The following ZYG11B variants were observed in gnomAD, a reference collection of about 807,000 sequenced individuals.
ZYG11B encodes the protein zyg-11 family member B, cell cycle regulator, also known as protein zyg-11 homolog B.
A neutral mutation model predicts 82.4 loss-of-function variants in ZYG11B; 36 were observed. That is an observed-to-expected ratio of 0.44 (90% CI 0.33 to 0.58). The LOEUF (loss-of-function observed/expected upper bound fraction) is 0.58, where lower values mean the gene tolerates loss of function less well. Among genes scored for constraint, ZYG11B ranks in the 20% least tolerant of loss-of-function variants. The pLI, the probability that ZYG11B is intolerant of heterozygous loss-of-function variation, is 0.02. For synonymous variants in ZYG11B, 303 were observed against 312.8 expected, an observed-to-expected ratio of 0.97 and a Z score of 0.33; for missense variants, 552 against 895.6, an observed-to-expected ratio of 0.62 and a Z score of 4.90.
At chr1:52,803,123 C>CACATAT (rs1553262802) in intron 10 of ZYG11B, among the ~76,000 whole-genome samples, 12 of 53,650 alleles carry the variant, frequency 2.2e-4, no homozygotes, top group South Asian at 4.5e-4. Context: ...TATATACACA[C>CACATAT]ATATATATAT....
intron 10 of ZYG11B, among the ~76,000 whole-genome samples, chr1:52,806,616 C>A (rs1000782996): frequency 2.0e-5 from 3 of 152,166 alleles, no homozygotes; most frequent in Non-Finnish European, 4.4e-5. Flanking sequence ...TGCTTTGATA[C>A]TGATATAGCC....
At chr1:52,755,836 A>G (rs1410869530) in intron 1 of ZYG11B, among the ~76,000 whole-genome samples, 6 of 151,748 alleles carry the variant, frequency 4.0e-5, no homozygotes, top group African/African-American at 7.3e-5. Flanking sequence ...GCCTCACTCT[A>G]TCACCCAGGC....
Position 52,823,708 on chromosome 1 carries a change from A to G in ZYG11B, c.*2079A>G, listed in dbSNP as rs577745536. The G allele has an allele frequency of 6.6e-6, 1 of 152,286 alleles. No individual in the cohort carries two copies. The highest frequency in any genetic ancestry group is 2.4e-5 in the African/African-American group (1 of 41,560). The allele number at this position is 152,286 out of a possible 1,614,324, so 9.4% of individuals were successfully genotyped here. A position where few individuals can be genotyped will look rare whatever the true frequency, so the allele number is the denominator to read the frequency against. On this transcript the variant is annotated 3_prime_UTR_variant, in exon 14 of 14. Transcript: ENST00000294353. Reference sequence around the variant, plus strand: ...TCTGTTTTATAAGACAAAAGTGCATATTTCTTTACAGGCTAATGCTAGGTT... The same window carrying G: ...TCTGTTTTATAAGACAAAAGTGCATGTTTCTTTACAGGCTAATGCTAGGTT...
At chr1:52,764,400 G>A (rs1644663306) in intron 2 of ZYG11B, among the ~76,000 whole-genome samples, 1 of 151,754 alleles carries the variant, frequency 6.6e-6, no homozygotes, top group Non-Finnish European at 1.5e-5. Flanking sequence ...CTCCCAAAGT[G>A]CTGGGATTAT....
At chr1:52,805,469 A>G in intron 10 of ZYG11B, 2 of 455,746 alleles carry the variant, frequency 4.4e-6, no homozygotes, top group South Asian at 3.1e-5. Flanking sequence ...TTGTTTTTTC[A>G]GGGTTAATAT....
Position 52,796,788 on chromosome 1 carries a change from A to C in ZYG11B, c.1485+4A>C. 3 of 1,553,370 alleles carry C rather than the reference A, an allele frequency of 1.9e-6. No homozygotes were observed. Among genetic ancestry groups the C allele is most frequent in the Non-Finnish European group, 2.6e-6 (3 of 1,153,296 alleles). On this transcript the variant is annotated splice_donor_region_variant and intron_variant, in intron 8 of 13. Transcript: ENST00000294353. ...TACTGAGCTCTTCATTGTCAGGGTA[A>C]GTCTATAATCTCCTCCATTCAGGCC...
intron 10 of ZYG11B, among the ~76,000 whole-genome samples, chr1:52,806,961 C>CCG: frequency 6.6e-6 from 1 of 151,904 alleles, no homozygotes; most frequent in East Asian, 1.9e-4. Context: ...CTCCACCTCC[C>CCG]GGGTTCAAGT....
At chr1:52,767,440 G>A (rs566441100) in intron 2 of ZYG11B, among the ~76,000 whole-genome samples, 1 of 152,254 alleles carries the variant, frequency 6.6e-6, no homozygotes, top group South Asian at 2.1e-4. Flanking sequence ...AAGTAGCTGA[G>A]ATTACAGGCA....
intron 1 of ZYG11B, among the ~76,000 whole-genome samples, chr1:52,746,014 A>G (rs1454650169): frequency 6.7e-6 from 1 of 150,240 alleles, no homozygotes; most frequent in Non-Finnish European, 1.5e-5. Flanking sequence ...GCTGGAGTGC[A>G]GTGGCACTCG....
Position 52,776,229 on chromosome 1 carries a change from A to ATATATATATATATATATATATATATAT in ZYG11B, c.952-3624_952-3623insTATATATATATATATATATATATATAT, listed in dbSNP as rs1553260250. On this transcript the variant is annotated intron_variant, in intron 3 of 13. Coordinates refer to ENST00000294353, the MANE Select transcript of ZYG11B (RefSeq NM_024646.3). ...AGCAAAACTCTGTCTTAAAAAAAAA[A>ATATATATATATATATATATATATATAT]ATATATATATATATATGCAATAAAG... 2.2e-3 allele frequency among the ~76,000 whole-genome samples: 51 copies of ATATATATATATATATATATATATATAT among 23,534 alleles called. 2 individuals carry two copies. Among genetic ancestry groups the ATATATATATATATATATATATATATAT allele is most frequent in the Middle Eastern group, 0.067 (2 of 30 alleles). The allele number at this position is 23,534 out of a possible 152,430, so 15.4% of individuals were successfully genotyped here.
chr1:52,816,709 T>C (rs1645227117), intron 13 of ZYG11B, 80 bp downstream of exon 13: 1 of 1,063,224 alleles, frequency 9.4e-7, no homozygotes, highest in Non-Finnish European at 1.4e-6. Context: ...TTCTAAATTG[T>C]GTATTAAAGT....
At chr1:52,730,183 CAT>C (rs2149915905) in intron 1 of ZYG11B, among the ~76,000 whole-genome samples, 1 of 152,254 alleles carries the variant, frequency 6.6e-6, no homozygotes, top group African/African-American at 2.4e-5. Context: ...TGGTCTAAGA[CAT>C]AGTCCTTACT....
intron 10 of ZYG11B, among the ~76,000 whole-genome samples, chr1:52,809,774 G>A (rs1645168147): frequency 6.6e-6 from 1 of 152,048 alleles, no homozygotes; most frequent in Non-Finnish European, 1.5e-5. Flanking sequence ...GTGGTGTTGA[G>A]TATATTTGTA....
At chr1:52,766,104 ATTAAATTTTTT>A (rs1372554588) in intron 2 of ZYG11B, among the ~76,000 whole-genome samples, 37 of 139,938 alleles carry the variant, frequency 2.6e-4, no homozygotes, top group Middle Eastern at 7.1e-3. Context: ...TTTTTTCCTT[ATTAAATTTTTT>A]TTAAATTTTT....
rs145188093 is a variant in ZYG11B, at chr1:52,771,582, C to T, written c.759C>T (p.Asp253=). Residue 253 remains aspartate, a synonymous_variant, in exon 3 of 14, where the codon GAC becomes GAT. Transcript: ENST00000294353. The surrounding 1 kb of genome is among the most constrained non-coding windows in gnomAD (Gnocchi z 5.4). ...DISDDKQFTS[D]IALRLLEQKD... is the part of the protein sequence containing the mutation. ...CAGATGATAAACAGTTTACATCAGA[C>T]ATAGCTCTTCGCTTACTAGAACAAA... 1 of 1,614,200 alleles carries T rather than the reference C, an allele frequency of 6.2e-7. No individual in the cohort carries two copies. The highest frequency in any genetic ancestry group is 1.3e-5 in the African/African-American group (1 of 75,050).
At chr1:52,810,088 G>C (rs879890164) in intron 10 of ZYG11B, among the ~76,000 whole-genome samples, 1 of 152,048 alleles carries the variant, frequency 6.6e-6, no homozygotes, top group African/African-American at 2.4e-5. Context: ...TAAACATTTT[G>C]ATCACTTTGA....
chr1:52,783,896 GTGTGTGTATATACATCTATACA>G, intron 4 of ZYG11B, among the ~76,000 whole-genome samples: 1 of 95,068 alleles, frequency 1.1e-5, no homozygotes. Context: ...GTACATACAC[GTGTGTGTATATACATCTATACA>G]TATATGTGTA....
intron 4 of ZYG11B, among the ~76,000 whole-genome samples, chr1:52,783,815 C>T (rs1226867829): frequency 1.9e-5 from 2 of 105,606 alleles, no homozygotes; most frequent in South Asian, 2.7e-4. Flanking sequence ...TACACACACA[C>T]GTATATGTAT....
At chr1:52,818,537 C>T (rs1645254105) in intron 13 of ZYG11B, among the ~76,000 whole-genome samples, 1 of 151,852 alleles carries the variant, frequency 6.6e-6, no homozygotes, top group Admixed American at 6.6e-5. Context: ...GTAGGCCATG[C>T]ATAGGGATTT....
Sources: gnomAD v4.1 joint callset for allele counts (sites outside exome capture counted in the v4.1 genomes callset) on GRCh38, gnomAD v4.1.1 for gene constraint, Gnocchi (gnomAD v3.1) non-coding constraint, MANE v1.5 for transcripts, NCBI Gene and HGNC (gene_info 2026-07-23, HGNC 2026-07-21) for gene names.